The following GPC3 variants were observed in gnomAD, a reference collection of about 807,000 sequenced individuals.
GPC3 encodes the protein glypican 3.
Under a neutral mutation model 34.4 loss-of-function variants are expected in GPC3, and 3 were observed. The observed-to-expected ratio is 0.09, with a 90% CI of 0.04 to 0.23. The LOEUF (loss-of-function observed/expected upper bound fraction) is 0.23. GPC3 is among the 10% of genes least tolerant of loss of function. The pLI is 1.00. For missense variants in GPC3, 351 were observed against 445.6 expected (o/e 0.79, Z 1.91); for synonymous variants, 177 against 174.0 (o/e 1.02, Z -0.13).
chrX:133,721,755 T>C (rs1016430487), intron 3 of GPC3, among the ~76,000 whole-genome samples: 6 of 111,567 alleles, frequency 5.4e-5, no homozygotes, highest in South Asian at 3.7e-4. Flanking sequence ...TCCAGTAACA[T>C]ACCCCTGAAT....
chrX:133,890,850 A>G (rs1391595440), intron 2 of GPC3, among the ~76,000 whole-genome samples: 1 of 101,278 alleles, frequency 9.9e-6, no homozygotes, highest in Non-Finnish European at 2.0e-5. Context: ...ACAAGAGCGA[A>G]ACTCCATCTC....
rs1180352138 is a variant in GPC3, at chrX:133,877,479, G to C, written c.337+75571C>G. On this transcript the variant is annotated intron_variant, in intron 2 of 7. Coordinates refer to ENST00000370818, the MANE Select transcript of GPC3 (RefSeq NM_004484.4). The stretch of plus-strand genomic sequence containing the variant: ...TTCTCTTCTCACACCCTGCTATTGG[G>C]ACTAAACAGAAACACTTCTCAAAGT... Among the ~76,000 whole-genome samples the C allele has an allele frequency of 8.9e-5, 10 of 111,890 alleles. No individual in the cohort carries two copies. The South Asian group carries it at 2.2e-3, about 25-fold the overall frequency.
chrX:133,858,328 G>T (rs1432376122), intron 2 of GPC3, among the ~76,000 whole-genome samples: 1 of 112,197 alleles, frequency 8.9e-6, no homozygotes, highest in African/African-American at 3.2e-5. Flanking sequence ...GGGCCATCCA[G>T]CTAGAAAAGA....
chrX:133,829,037 T>C (rs1012667639), intron 2 of GPC3, among the ~76,000 whole-genome samples: 1 of 111,919 alleles, frequency 8.9e-6, no homozygotes, highest in African/African-American at 3.2e-5. Flanking sequence ...TAAAAACCCA[T>C]GTCCAACTAA....
intron 2 of GPC3, among the ~76,000 whole-genome samples, chrX:133,929,361 G>A (rs753397533): frequency 6.3e-5 from 7 of 111,102 alleles, no homozygotes; most frequent in Non-Finnish European, 1.1e-4. Flanking sequence ...TCTAAATACT[G>A]TATGCATTTC....
chrX:133,962,414 G>A (rs1193263898), intron 1 of GPC3, among the ~76,000 whole-genome samples: 1 of 112,201 alleles, frequency 8.9e-6, no homozygotes, highest in Non-Finnish European at 1.9e-5. Context: ...TCACTTGGAG[G>A]TAATGTCAGA....
chrX:133,875,829 A>G (rs1487532500), intron 2 of GPC3, among the ~76,000 whole-genome samples: 1 of 111,549 alleles, frequency 9.0e-6, no homozygotes, highest in Non-Finnish European at 1.9e-5. Flanking sequence ...CAAGATGCCT[A>G]CCATAACATG....
chrX:133,747,339 A>T (rs748565620), intron 3 of GPC3, among the ~76,000 whole-genome samples: 11 of 111,730 alleles, frequency 9.8e-5, no homozygotes, highest in Non-Finnish European at 1.9e-4. Flanking sequence ...TCACCTGCAC[A>T]AACATTCCTT....
chrX:133,713,577 G>A (rs1209383705), intron 3 of GPC3, among the ~76,000 whole-genome samples: 3 of 112,116 alleles, frequency 2.7e-5, no homozygotes, highest in African/African-American at 9.7e-5. Flanking sequence ...GCACAAGTGT[G>A]ATTGACTTGT....
intron 2 of GPC3, among the ~76,000 whole-genome samples, chrX:133,946,610 C>T (rs760848293): frequency 9.0e-6 from 1 of 110,586 alleles, no homozygotes; most frequent in South Asian, 4.0e-4. Flanking sequence ...CTAGAGCCTG[C>T]ACTCTTAATC....
intron 1 of GPC3, among the ~76,000 whole-genome samples, chrX:133,976,926 A>ATAAT (rs2076518251): frequency 1.5e-5 from 1 of 64,726 alleles, no homozygotes; most frequent in Non-Finnish European, 3.0e-5. Flanking sequence ...TCAAAAAATG[A>ATAAT]TAATAAATAA....
chrX:133,962,978 G>T (rs1373809823), intron 1 of GPC3, among the ~76,000 whole-genome samples: 1 of 111,900 alleles, frequency 8.9e-6, no homozygotes, highest in Admixed American at 9.5e-5. Context: ...TTTCCTCAAA[G>T]GGATTGGACT....
intron 2 of GPC3, among the ~76,000 whole-genome samples, chrX:133,895,547 G>A (rs898546638): frequency 9.0e-6 from 1 of 111,276 alleles, no homozygotes; most frequent in Non-Finnish European, 1.9e-5. Flanking sequence ...TTAGTGGGCT[G>A]GTAGCAGGGC....
intron 7 of GPC3, among the ~76,000 whole-genome samples, chrX:133,542,333 C>G (rs1009796939): frequency 7.2e-5 from 8 of 111,253 alleles, no homozygotes; most frequent in Non-Finnish European, 1.5e-4. Flanking sequence ...TGGGGTGCAT[C>G]AAGCAGGCAT....
chrX:133,951,047 AGT>A (rs373690687), intron 2 of GPC3, among the ~76,000 whole-genome samples: 8,091 of 76,554 alleles, frequency 0.11, 394 homozygotes, highest in African/African-American at 0.14. Flanking sequence ...AATTCAAGAA[AGT>A]GTGTGTGTGT....
At chrX:133,815,505 A>C (rs889477426) in intron 2 of GPC3, among the ~76,000 whole-genome samples, 1 of 109,881 alleles carries the variant, frequency 9.1e-6, no homozygotes, top group Non-Finnish European at 1.9e-5. Flanking sequence ...GAAGCTGCAG[A>C]ACTTTCTCAG....
intron 3 of GPC3, among the ~76,000 whole-genome samples, chrX:133,749,777 G>A (rs187445177): frequency 4.3e-4 from 48 of 111,398 alleles, no homozygotes; most frequent in Middle Eastern, 9.2e-3. Flanking sequence ...ATCGCAACAG[G>A]AAGGTTAGGG....
At chrX:133,762,543 T>C (rs1162793644) in intron 2 of GPC3, among the ~76,000 whole-genome samples, 1 of 111,329 alleles carries the variant, frequency 9.0e-6, no homozygotes, top group Non-Finnish European at 1.9e-5. Context: ...CGTTAAAACA[T>C]GGGCAAAATA....
intron 1 of GPC3, among the ~76,000 whole-genome samples, chrX:133,984,927 AC>A (rs2076559420): frequency 9.0e-6 from 1 of 111,355 alleles, no homozygotes; most frequent in Admixed American, 9.5e-5. Flanking sequence ...TTCATGAGGC[AC>A]CAGCTCGGCT....
Sources: allele counts gnomAD v4.1 joint callset (sites outside exome capture counted in the v4.1 genomes callset), GRCh38; gene constraint gnomAD v4.1.1; transcripts MANE v1.5; gene names NCBI Gene and HGNC (gene_info 2026-07-23, HGNC 2026-07-21).